The following LRFN2 variants were observed in gnomAD, a reference collection of about 807,000 sequenced individuals.
The protein encoded by LRFN2 is leucine rich repeat and fibronectin type III domain containing 2.
A neutral mutation model predicts 37.3 loss-of-function variants in LRFN2; 18 were observed. That is an observed-to-expected ratio of 0.48 (90% CI 0.33 to 0.72). LRFN2 has a LOEUF of 0.72. Ranked by LOEUF, LRFN2 falls within the 30% of genes least tolerant of loss-of-function variation. LRFN2 has a pLI of 0.02. For missense variants in LRFN2, 1,006 were observed against 1,060.7 expected (o/e 0.95, Z 0.72); for synonymous variants, 556 against 466.6 (o/e 1.19, Z -2.47).
intron 2 of LRFN2, among the ~76,000 whole-genome samples, chr6:40,429,257 G>T (rs1363794381): frequency 6.6e-6 from 1 of 152,148 alleles, no homozygotes; most frequent in East Asian, 1.9e-4. Context: ...TCTACCCCAA[G>T]CCCTGTCCTC....
intron 1 of LRFN2, among the ~76,000 whole-genome samples, chr6:40,507,575 T>C (rs1765578842): frequency 6.6e-6 from 1 of 152,200 alleles, no homozygotes; most frequent in Non-Finnish European, 1.5e-5. Flanking sequence ...GGCCTTCTTT[T>C]TTAAGGTTGG....
At chr6:40,399,438 C>T (rs144598525) in intron 2 of LRFN2, among the ~76,000 whole-genome samples, 351 of 108,628 alleles carry the variant, frequency 3.2e-3, no homozygotes, top group Middle Eastern at 5.3e-3. Flanking sequence ...TTTTTTTTTT[C>T]TTTTTTTTTT....
intron 2 of LRFN2, among the ~76,000 whole-genome samples, chr6:40,399,486 A>G (rs1256225724): frequency 6.9e-6 from 1 of 145,094 alleles, no homozygotes; most frequent in African/African-American, 2.5e-5. Context: ...CCCAAGCTGA[A>G]GTACAGTGGT....
At chr6:40,537,970 C>A (rs1171143666) in intron 1 of LRFN2, among the ~76,000 whole-genome samples, 6 of 152,066 alleles carry the variant, frequency 3.9e-5, no homozygotes, top group African/African-American at 1.4e-4. Context: ...CCTCTTGCCC[C>A]ATCACCTTTC....
At chr6:40,393,761 C>T (rs1470097924) in intron 2 of LRFN2, among the ~76,000 whole-genome samples, 1 of 152,178 alleles carries the variant, frequency 6.6e-6, no homozygotes, top group Admixed American at 6.5e-5. Flanking sequence ...TCAACACTTT[C>T]TGAGCCTTCT....
At chr6:40,471,180 T>C (rs550942453) in intron 1 of LRFN2, among the ~76,000 whole-genome samples, 18 of 152,120 alleles carry the variant, frequency 1.2e-4, no homozygotes, top group African/African-American at 4.1e-4. Flanking sequence ...TCTGAGAGTG[T>C]CTGGGAAAGG....
At chr6:40,483,664 G>T (rs1462606996) in intron 1 of LRFN2, among the ~76,000 whole-genome samples, 1 of 152,140 alleles carries the variant, frequency 6.6e-6, no homozygotes, top group African/African-American at 2.4e-5. Flanking sequence ...GGAAACAAAG[G>T]CTCAGAAGTG....
intron 1 of LRFN2, among the ~76,000 whole-genome samples, chr6:40,561,914 G>C (rs1241133847): frequency 6.6e-6 from 1 of 152,092 alleles, no homozygotes; most frequent in African/African-American, 2.4e-5. Context: ...CCTCCACCAT[G>C]ATGACCAGGA....
chr6:40,570,945 C>G (rs1767175755), intron 1 of LRFN2, among the ~76,000 whole-genome samples: 1 of 152,230 alleles, frequency 6.6e-6, no homozygotes, highest in South Asian at 2.1e-4. Flanking sequence ...TCTAAATGCA[C>G]TGAAACATCT....
intron 2 of LRFN2, among the ~76,000 whole-genome samples, chr6:40,422,644 G>C (rs928705902): frequency 3.9e-5 from 6 of 152,200 alleles, no homozygotes; most frequent in Non-Finnish European, 8.8e-5. Flanking sequence ...AAGTTCAGTT[G>C]TGAGATAAGT....
At chr6:40,426,158 A>G (rs1377874647) in intron 2 of LRFN2, among the ~76,000 whole-genome samples, 1 of 152,196 alleles carries the variant, frequency 6.6e-6, no homozygotes, top group Admixed American at 6.5e-5. Context: ...AAGTAGGTGA[A>G]TTTAGCAACA....
At chr6:40,456,284 T>A (rs1312516444) in intron 1 of LRFN2, among the ~76,000 whole-genome samples, 1 of 152,188 alleles carries the variant, frequency 6.6e-6, no homozygotes, top group African/African-American at 2.4e-5. Flanking sequence ...AACAAAAAAC[T>A]AACACATACC....
intron 1 of LRFN2, among the ~76,000 whole-genome samples, chr6:40,461,805 A>G (rs895689714): frequency 1.3e-5 from 2 of 152,210 alleles, no homozygotes; most frequent in African/African-American, 4.8e-5. Flanking sequence ...AGTAGCAGCA[A>G]TGAGAGACTG....
At chr6:40,427,145 G>T (rs1289761262) in intron 2 of LRFN2, among the ~76,000 whole-genome samples, 1 of 152,232 alleles carries the variant, frequency 6.6e-6, no homozygotes, top group Admixed American at 6.5e-5. Flanking sequence ...TTGTTGACAT[G>T]ACAATTGGCC....
intron 1 of LRFN2, among the ~76,000 whole-genome samples, chr6:40,533,388 C>CACAA (rs1330318238): frequency 6.6e-6 from 1 of 151,558 alleles, no homozygotes; most frequent in Non-Finnish European, 1.5e-5. Context: ...CACACACACA[C>CACAA]ACACACACAC....
At chr6:40,525,499 C>T (rs1293124126) in intron 1 of LRFN2, among the ~76,000 whole-genome samples, 2 of 152,196 alleles carry the variant, frequency 1.3e-5, no homozygotes, top group Non-Finnish European at 2.9e-5. Context: ...TTGAGGATCC[C>T]CAGTTCCAGC....
chr6:40,582,189 G>A (rs2113800979), intron 1 of LRFN2, among the ~76,000 whole-genome samples: 1 of 152,204 alleles, frequency 6.6e-6, no homozygotes, highest in South Asian at 2.1e-4. Flanking sequence ...GAGGGGAGAG[G>A]ACCCAGGCAG....
In LRFN2 at chr6:40,433,146, C is replaced by A. The variant is rs780844008; in HGVS notation, c.-18-15G>T. 6.6e-6 allele frequency: 10 copies of A among 1,512,946 alleles called. No individual in the cohort carries two copies. The highest frequency in any genetic ancestry group is 7.1e-6 in the Non-Finnish European group (8 of 1,132,204). The allele number at this position is 1,512,946 out of a possible 1,614,324, so 93.7% of individuals were successfully genotyped here. A position where few individuals can be genotyped will look rare whatever the true frequency, so the allele number is the denominator to read the frequency against. On this transcript the variant is annotated splice_polypyrimidine_tract_variant and intron_variant, in intron 1 of 2. Coordinates refer to ENST00000338305, the MANE Select transcript of LRFN2 (RefSeq NM_020737.3). ...TCACTCAGCGCCTGGAAGGGAGAAA[C>A]ACAAGCTCAGGGTCAGGAGGCAAAT...
intron 1 of LRFN2, among the ~76,000 whole-genome samples, chr6:40,564,481 C>G (rs912641206): frequency 6.6e-6 from 1 of 152,172 alleles, no homozygotes; most frequent in Non-Finnish European, 1.5e-5. Context: ...TTCACATTCA[C>G]AGCTCCCCCA....
Sources: allele counts gnomAD v4.1 joint callset (sites outside exome capture counted in the v4.1 genomes callset), GRCh38; gene constraint gnomAD v4.1.1; transcripts MANE v1.5; gene names NCBI Gene and HGNC (gene_info 2026-07-23, HGNC 2026-07-21).